The following AFF2 variants were observed in gnomAD, a reference collection of about 807,000 sequenced individuals.
AFF2 encodes the protein AF4/FMR2 family member 2.
Under a neutral mutation model 76.9 loss-of-function variants are expected in AFF2, and 14 were observed. The observed-to-expected ratio is 0.18, with a 90% CI of 0.12 to 0.28. AFF2 has a LOEUF of 0.28. Ranked by LOEUF, AFF2 falls within the 10% of genes least tolerant of loss-of-function variation. The probability of loss-of-function intolerance (pLI) is 1.00; values close to 1 mark genes in which losing one functional copy is unlikely to be tolerated. For missense variants in AFF2, 868 were observed against 1,001.1 expected, an observed-to-expected ratio of 0.87 and a Z score of 1.79; for synonymous variants, 398 against 366.7, an observed-to-expected ratio of 1.09 and a Z score of -0.98.
At chrX:148,693,939 A>T (rs1190851935) in intron 3 of AFF2, among the ~76,000 whole-genome samples, 3 of 111,588 alleles carry the variant, frequency 2.7e-5, no homozygotes, top group Non-Finnish European at 5.6e-5. Context: ...ACAATGATAG[A>T]CTGGATTAAG....
intron 7 of AFF2, among the ~76,000 whole-genome samples, chrX:148,861,787 C>T (rs1024401347): frequency 9.0e-6 from 1 of 111,427 alleles, no homozygotes; most frequent in Non-Finnish European, 1.9e-5. Context: ...CCAGTTGCCC[C>T]GCCACATCTG....
chrX:148,585,578 A>G lies in AFF2; in HGVS notation c.48-66421A>G, dbSNP rs781817153. 7.2e-4 allele frequency among the ~76,000 whole-genome samples: 80 copies of G among 110,962 alleles called. 1 individual carries two copies. The highest frequency in any genetic ancestry group is 2.8e-3 in the East Asian group (10 of 3,509). ...GAGTAGGCCGGGCGCGGTGGCTCAC[A>G]CCTGTATTCCCAGCACTTTGGGAGG... On this transcript the variant is annotated intron_variant, in intron 1 of 20. Coordinates refer to ENST00000370460, the MANE Select transcript of AFF2 (RefSeq NM_002025.4).
At chrX:148,775,711 G>A (rs782768092) in intron 3 of AFF2, among the ~76,000 whole-genome samples, 2 of 110,513 alleles carry the variant, frequency 1.8e-5, no homozygotes, top group South Asian at 3.9e-4. Context: ...TCTTCACATC[G>A]ATTTCGTCTC....
Position 148,662,121 on chromosome X carries a change from C to T in AFF2, c.394C>T (p.Pro132Ser), listed in dbSNP as rs955152167. The T allele has an allele frequency of 1.7e-6, 2 of 1,208,121 alleles. No homozygotes were observed. Among genetic ancestry groups the T allele is most frequent in the Non-Finnish European group, 2.2e-6 (2 of 892,144 alleles). The change falls in exon 3 of 21, where the codon CCT (proline) becomes TCT (serine). Residue 132 changes from proline to serine, a missense_variant. Physicochemically the swap from Pro to Ser is moderately conservative, Grantham distance 74. Transcript: ENST00000370460. ...IIPPHQDNTH[P>S]SAPMPPPSVV... ...TCCACCTCACCAGGATAATACCCAT[C>T]CTTCAGCACCAATGCCTCCACCTTC...
chrX:148,838,218 A>G (rs782157370), intron 5 of AFF2, among the ~76,000 whole-genome samples: 19 of 112,173 alleles, frequency 1.7e-4, no homozygotes, highest in Non-Finnish European at 1.1e-4. Flanking sequence ...TATTATTTTT[A>G]TTTACCTTCT....
At chrX:148,659,031 G>T (rs1322479256) in intron 2 of AFF2, among the ~76,000 whole-genome samples, 1 of 111,756 alleles carries the variant, frequency 8.9e-6, no homozygotes, top group African/African-American at 3.3e-5. Flanking sequence ...TTCAAGGAAA[G>T]ATATCATAAG....
intron 4 of AFF2, among the ~76,000 whole-genome samples, chrX:148,827,131 T>C (rs939746556): frequency 1.8e-5 from 2 of 111,182 alleles, no homozygotes; most frequent in African/African-American, 6.6e-5. Flanking sequence ...TCCATGCAAA[T>C]CATATTGGAT....
intron 9 of AFF2, among the ~76,000 whole-genome samples, chrX:148,912,778 A>T (rs2071485429): frequency 8.9e-6 from 1 of 111,812 alleles, no homozygotes; most frequent in African/African-American, 3.3e-5. Flanking sequence ...CACAGTCCTC[A>T]ATGAAGGTAT....
chrX:148,768,676 T>TAAATTA (rs2069549509), intron 3 of AFF2, among the ~76,000 whole-genome samples: 1 of 112,399 alleles, frequency 8.9e-6, no homozygotes, highest in Admixed American at 9.4e-5. Context: ...ACATAGAGAA[T>TAAATTA]AAATTAAAAT....
At chrX:148,580,549 C>A (rs2053343248) in intron 1 of AFF2, among the ~76,000 whole-genome samples, 1 of 111,003 alleles carries the variant, frequency 9.0e-6, no homozygotes, top group Non-Finnish European at 1.9e-5. Context: ...TTAGAGTGAT[C>A]CAGCAGCAGA....
At chrX:148,680,075 C>A (rs1557259806) in intron 3 of AFF2, among the ~76,000 whole-genome samples, 1 of 112,043 alleles carries the variant, frequency 8.9e-6, no homozygotes. Flanking sequence ...AAAAAGTACA[C>A]AAGCAATGTC....
At chrX:148,705,652 A>T (rs1557262331) in intron 3 of AFF2, among the ~76,000 whole-genome samples, 1 of 112,118 alleles carries the variant, frequency 8.9e-6, no homozygotes, top group Admixed American at 9.5e-5. Flanking sequence ...GGAAGGGAAG[A>T]GTAATATGGC....
chrX:148,708,606 C>T (rs782426489), intron 3 of AFF2, among the ~76,000 whole-genome samples: 14 of 112,152 alleles, frequency 1.2e-4, no homozygotes, highest in South Asian at 3.7e-4. Context: ...CCCAGATACT[C>T]GAGCGACTGA....
chrX:148,614,726 TTTCTTTCC>T (rs1469333756), intron 1 of AFF2, among the ~76,000 whole-genome samples: 13 of 71,497 alleles, frequency 1.8e-4, no homozygotes, highest in East Asian at 3.8e-4. Context: ...TCTTTCTTTC[TTTCTTTCC>T]TTCTTTTCTT....
chrX:148,894,302 A>G (rs1298831071), intron 8 of AFF2, among the ~76,000 whole-genome samples: 1 of 111,615 alleles, frequency 9.0e-6, no homozygotes, highest in Non-Finnish European at 1.9e-5. Context: ...GATATCTGCC[A>G]TCTGCTAAAA....
intron 3 of AFF2, among the ~76,000 whole-genome samples, chrX:148,680,940 T>C (rs904349440): frequency 9.0e-6 from 1 of 111,464 alleles, no homozygotes. Context: ...CTCAGAAAAA[T>C]GTGACTTGGA....
intron 3 of AFF2, among the ~76,000 whole-genome samples, chrX:148,721,025 T>C (rs189679794): frequency 8.9e-6 from 1 of 111,844 alleles, no homozygotes; most frequent in Admixed American, 9.5e-5. Context: ...TCTCAGGTAG[T>C]TTAGTTGATT....
At chrX:148,788,847 T>A (rs200435355) in intron 3 of AFF2, among the ~76,000 whole-genome samples, 4 of 112,113 alleles carry the variant, frequency 3.6e-5, no homozygotes, top group South Asian at 7.5e-4. Context: ...TCTGGTTTTT[T>A]AATGCATGAA....
chrX:148,595,921 G>A (rs1201084622), intron 1 of AFF2, among the ~76,000 whole-genome samples: 2 of 111,719 alleles, frequency 1.8e-5, no homozygotes, highest in Non-Finnish European at 3.8e-5. Flanking sequence ...AATGCTCCAA[G>A]AATAAAATAA....
Sources: allele counts gnomAD v4.1 joint callset (sites outside exome capture counted in the v4.1 genomes callset), GRCh38; gene constraint gnomAD v4.1.1; transcripts MANE v1.5; gene names NCBI Gene and HGNC (gene_info 2026-07-23, HGNC 2026-07-21).